The following EDIL3 variants were observed in gnomAD, a reference collection of about 807,000 sequenced individuals.
The protein encoded by EDIL3 is EGF like and discoidin domains 3, also known as EGF-like repeat and discoidin I-like domain-containing protein 3.
A neutral mutation model predicts 67.4 loss-of-function variants in EDIL3; 37 were observed. The observed-to-expected ratio is 0.55, with a 90% confidence interval of 0.42 to 0.72. The LOEUF (loss-of-function observed/expected upper bound fraction) is 0.72, where lower values mean the gene tolerates loss of function less well. Among genes scored for constraint, EDIL3 ranks in the 30% least tolerant of loss-of-function variants. EDIL3 has a pLI of 0.00. For synonymous variants in EDIL3, 195 were observed against 196.3 expected (o/e 0.99, Z 0.05); for missense variants, 527 against 586.3 (o/e 0.90, Z 1.04).
chr5:83,997,867 C>G (rs1013063955), intron 9 of EDIL3, among the ~76,000 whole-genome samples: 12 of 152,098 alleles, frequency 7.9e-5, no homozygotes, highest in Admixed American at 3.3e-4. Flanking sequence ...CATTGGAACT[C>G]AGTACTGCCC....
chr5:84,126,343 C>G (rs145973536), intron 5 of EDIL3, among the ~76,000 whole-genome samples: 1 of 152,002 alleles, frequency 6.6e-6, no homozygotes, highest in African/African-American at 2.4e-5. Flanking sequence ...GTTTCTAAAC[C>G]TTTTTTATAG....
chr5:84,178,315 C>T (rs1748955507), intron 4 of EDIL3, among the ~76,000 whole-genome samples: 1 of 152,122 alleles, frequency 6.6e-6, no homozygotes, highest in Non-Finnish European at 1.5e-5. Flanking sequence ...GATCCTGATG[C>T]ACGAGCACAT....
intron 5 of EDIL3, among the ~76,000 whole-genome samples, chr5:84,132,707 A>C (rs1580342478): frequency 6.8e-6 from 1 of 147,492 alleles, no homozygotes; most frequent in African/African-American, 2.5e-5. Context: ...TCAAATAATG[A>C]GATAAGAAAA....
chr5:84,304,133 A>G (rs912782250), intron 1 of EDIL3, among the ~76,000 whole-genome samples: 1 of 152,188 alleles, frequency 6.6e-6, no homozygotes, highest in Non-Finnish European at 1.5e-5. Flanking sequence ...ATATATGAAG[A>G]TACAGAAGTA....
chr5:84,252,710 T>A (rs893491893), intron 2 of EDIL3, among the ~76,000 whole-genome samples: 3 of 151,928 alleles, frequency 2.0e-5, no homozygotes, highest in Admixed American at 6.6e-5. Flanking sequence ...CTAGGGGTAT[T>A]TATGACTCTA....
intron 9 of EDIL3, among the ~76,000 whole-genome samples, chr5:84,012,706 C>T (rs985486795): frequency 6.6e-6 from 1 of 152,026 alleles, no homozygotes; most frequent in African/African-American, 2.4e-5. Flanking sequence ...TAACTGTAAA[C>T]ACACGTTCTC....
At chr5:84,271,303 A>T (rs1462969119) in intron 1 of EDIL3, among the ~76,000 whole-genome samples, 6 of 151,940 alleles carry the variant, frequency 3.9e-5, no homozygotes, top group Non-Finnish European at 8.8e-5. Context: ...AGTCCCAGCT[A>T]CTCGGGAGAC....
chr5:84,157,010 C>T (rs754893501), intron 4 of EDIL3, among the ~76,000 whole-genome samples: 17 of 152,002 alleles, frequency 1.1e-4, no homozygotes, highest in Non-Finnish European at 2.2e-4. Flanking sequence ...ATGTCTTTAT[C>T]CATTTTTTCA....
intron 8 of EDIL3, among the ~76,000 whole-genome samples, chr5:84,064,259 T>C (rs1746593794): frequency 1.3e-5 from 2 of 152,084 alleles, no homozygotes; most frequent in Non-Finnish European, 2.9e-5. Context: ...CAGACAAAGA[T>C]AAAGTTCTTA....
At chr5:84,176,770 T>TGCGC (rs1554071729) in intron 4 of EDIL3, among the ~76,000 whole-genome samples, 131 of 149,714 alleles carry the variant, frequency 8.8e-4, no homozygotes, top group African/African-American at 3.0e-3. Context: ...TGTGTGTGTG[T>TGCGC]GCCTGTGTGT....
intron 1 of EDIL3, among the ~76,000 whole-genome samples, chr5:84,288,593 C>T (rs1396304312): frequency 1.3e-5 from 2 of 152,096 alleles, no homozygotes; most frequent in Non-Finnish European, 2.9e-5. Context: ...GGCTTCACAT[C>T]GTCCTGTCAC....
intron 5 of EDIL3, among the ~76,000 whole-genome samples, chr5:84,136,117 T>G: frequency 6.6e-6 from 1 of 152,170 alleles, no homozygotes; most frequent in East Asian, 1.9e-4. Flanking sequence ...TTCATGTTTA[T>G]ATTATACCTC....
At chr5:84,369,424 C>T (rs528955479) in intron 1 of EDIL3, among the ~76,000 whole-genome samples, 26 of 152,108 alleles carry the variant, frequency 1.7e-4, no homozygotes, top group Middle Eastern at 6.8e-3. Flanking sequence ...AACATTCTAA[C>T]GTATGCTACA....
intron 2 of EDIL3, among the ~76,000 whole-genome samples, chr5:84,250,986 C>G (rs1362985921): frequency 6.6e-6 from 1 of 152,104 alleles, no homozygotes; most frequent in South Asian, 2.1e-4. Flanking sequence ...CTCAAAATAC[C>G]CACATGTGTT....
chr5:84,268,455 T>C (rs1349471284), intron 1 of EDIL3, among the ~76,000 whole-genome samples: 1 of 152,206 alleles, frequency 6.6e-6, no homozygotes, highest in Non-Finnish European at 1.5e-5. Context: ...AGCATACATA[T>C]TTAAAATGAC....
At chr5:84,218,853 G>A (rs1368523173) in intron 3 of EDIL3, among the ~76,000 whole-genome samples, 5 of 152,158 alleles carry the variant, frequency 3.3e-5, no homozygotes, top group African/African-American at 9.7e-5. Context: ...GGAAAGGGTG[G>A]GAAGGACTTT....
chr5:84,290,163 T>C (rs1338727105), intron 1 of EDIL3, among the ~76,000 whole-genome samples: 2 of 152,134 alleles, frequency 1.3e-5, no homozygotes, highest in Admixed American at 6.5e-5. Flanking sequence ...CTGCATGTCT[T>C]CCCTGAGGAC....
At chr5:84,187,403 A>G (rs1743484554) in intron 3 of EDIL3, among the ~76,000 whole-genome samples, 1 of 152,114 alleles carries the variant, frequency 6.6e-6, no homozygotes, top group Non-Finnish European at 1.5e-5. Flanking sequence ...ATAGTACACA[A>G]GCAGATTATT....
intron 9 of EDIL3, among the ~76,000 whole-genome samples, chr5:83,970,461 T>G (rs1270262479): frequency 6.7e-6 from 1 of 148,688 alleles, no homozygotes; most frequent in Non-Finnish European, 1.5e-5. Flanking sequence ...TATACTCAAA[T>G]GTATCAATTA....
Sources: allele counts gnomAD v4.1 joint callset (sites outside exome capture counted in the v4.1 genomes callset), GRCh38; gene constraint gnomAD v4.1.1; transcripts MANE v1.5; gene names NCBI Gene and HGNC (gene_info 2026-07-23, HGNC 2026-07-21).